SCAMP1: variants seen among roughly 807,000 people sequenced by gnomAD.
SCAMP1 encodes secretory carrier membrane protein 1.
A neutral mutation model predicts 41.8 loss-of-function variants in SCAMP1; 15 were observed. The observed-to-expected ratio is 0.36, with a 90% CI of 0.24 to 0.55. The LOEUF is 0.55. Ranked by LOEUF, SCAMP1 falls within the 20% of genes least tolerant of loss-of-function variation. SCAMP1 has a pLI of 0.86. For synonymous variants in SCAMP1, 135 were observed against 136.8 expected, an observed-to-expected ratio of 0.99 and a Z score of 0.09; for missense variants, 341 against 412.6, an observed-to-expected ratio of 0.83 and a Z score of 1.50.
At position 78,479,097 on chromosome 5, in the gene SCAMP1, CTG is replaced by C. The variant is rs1561294858; in HGVS notation, c.*3431_*3432del. 1 of 152,114 alleles carries C rather than the reference CTG, an allele frequency of 6.6e-6. No individual in the cohort carries two copies. Among genetic ancestry groups the C allele is most frequent in the African/African-American group, 2.4e-5 (1 of 41,442 alleles). The allele number at this position is 152,114 out of a possible 1,614,324, so 9.4% of individuals were successfully genotyped here. ...TGGTACAAATCTGTGTTTGGCATGA[CTG>C]TTTATATACAGAATTTGTTACATTT... On this transcript the variant is annotated 3_prime_UTR_variant, in exon 9 of 9. Transcript: ENST00000621999.
intron 2 of SCAMP1, among the ~76,000 whole-genome samples, chr5:78,391,758 AC>A (rs1751512909): frequency 6.6e-6 from 1 of 152,152 alleles, no homozygotes; most frequent in Non-Finnish European, 1.5e-5. Context: ...CAATCCCGGC[AC>A]CTCAGAAGGC....
At chr5:78,419,054 T>C (rs1409632164) in intron 5 of SCAMP1, among the ~76,000 whole-genome samples, 151 bp downstream of exon 5, 1 of 152,222 alleles carries the variant, frequency 6.6e-6, no homozygotes, top group East Asian at 1.9e-4. Flanking sequence ...ACATATCCTA[T>C]TTAGGTACTT....
intron 6 of SCAMP1, among the ~76,000 whole-genome samples, chr5:78,433,913 G>C (rs1450700542): frequency 1.3e-5 from 2 of 152,136 alleles, no homozygotes; most frequent in Non-Finnish European, 2.9e-5. Flanking sequence ...ATATATTCCT[G>C]TCCCACCTCC....
intron 7 of SCAMP1, among the ~76,000 whole-genome samples, chr5:78,458,373 T>C (rs1753488865): frequency 6.6e-6 from 1 of 152,208 alleles, no homozygotes; most frequent in Non-Finnish European, 1.5e-5. Flanking sequence ...TGTAGTGATA[T>C]CTCATTGTGG....
intron 1 of SCAMP1, among the ~76,000 whole-genome samples, chr5:78,367,596 A>G (rs1750830336): frequency 6.6e-6 from 1 of 152,204 alleles, no homozygotes. Flanking sequence ...CTTCTGCTGT[A>G]TTCTGTTGGT....
At chr5:78,411,269 G>A (rs1752068264) in intron 2 of SCAMP1, among the ~76,000 whole-genome samples, 1 of 151,974 alleles carries the variant, frequency 6.6e-6, no homozygotes, top group Admixed American at 6.6e-5. Flanking sequence ...TATAGTTTTG[G>A]GTTTTACATT....
intron 6 of SCAMP1, among the ~76,000 whole-genome samples, chr5:78,433,746 A>G (rs939946941): frequency 2.0e-5 from 3 of 151,926 alleles, no homozygotes; most frequent in Non-Finnish European, 1.5e-5. Context: ...TTGTTACTTT[A>G]TACTTGGAGC....
intron 8 of SCAMP1, among the ~76,000 whole-genome samples, chr5:78,470,325 A>G (rs1419073182): frequency 2.6e-5 from 4 of 152,170 alleles, no homozygotes; most frequent in South Asian, 4.1e-4. Context: ...TCATTAAGCA[A>G]TAATTTTATT....
At chr5:78,444,287 A>G (rs571941801) in intron 6 of SCAMP1, among the ~76,000 whole-genome samples, 2 of 152,336 alleles carry the variant, frequency 1.3e-5, no homozygotes, top group South Asian at 4.1e-4. Flanking sequence ...AAAGAAAAAG[A>G]TGTTTAATGG....
chr5:78,430,520 G>A (rs917920067), intron 6 of SCAMP1, among the ~76,000 whole-genome samples: 1 of 151,034 alleles, frequency 6.6e-6, no homozygotes, highest in Non-Finnish European at 1.5e-5. Flanking sequence ...TTTTCCCAAA[G>A]CGAAGTCTCA....
intron 1 of SCAMP1, among the ~76,000 whole-genome samples, chr5:78,363,291 C>G (rs983361543): frequency 2.6e-5 from 4 of 151,966 alleles, no homozygotes; most frequent in African/African-American, 7.3e-5. Context: ...CTGCTCACTG[C>G]AAGCGCTGCC....
intron 1 of SCAMP1, among the ~76,000 whole-genome samples, chr5:78,387,234 C>G (rs1485155306): frequency 6.6e-6 from 1 of 151,974 alleles, no homozygotes; most frequent in Non-Finnish European, 1.5e-5. Context: ...CTTCTACTAG[C>G]TCGATTTTAT....
intron 1 of SCAMP1, among the ~76,000 whole-genome samples, chr5:78,370,037 C>T (rs1750904251): frequency 6.6e-6 from 1 of 152,170 alleles, no homozygotes; most frequent in Admixed American, 6.5e-5. Context: ...AAGGGATGTG[C>T]CATGTCATGA....
intron 2 of SCAMP1, among the ~76,000 whole-genome samples, chr5:78,408,535 C>T (rs540552677): frequency 1.3e-5 from 2 of 152,284 alleles, no homozygotes; most frequent in East Asian, 3.9e-4. Flanking sequence ...GTTGGATTAT[C>T]TTGTCCATGT....
chr5:78,393,053 GA>G (rs1751560109), intron 2 of SCAMP1, among the ~76,000 whole-genome samples: 1 of 152,144 alleles, frequency 6.6e-6, no homozygotes, highest in Non-Finnish European at 1.5e-5. Context: ...CTAAGATTTA[GA>G]AAGTTCCTGC....
At chr5:78,388,589 G>C (rs1234732066) in intron 1 of SCAMP1, among the ~76,000 whole-genome samples, 1 of 152,126 alleles carries the variant, frequency 6.6e-6, no homozygotes, top group Non-Finnish European at 1.5e-5. Context: ...TTTTTATCTT[G>C]ATGTAATAGC....
At chr5:78,460,767 T>C (rs1378566964) in intron 8 of SCAMP1, among the ~76,000 whole-genome samples, 3 of 39,034 alleles carry the variant, frequency 7.7e-5, no homozygotes, top group African/African-American at 5.2e-4. Context: ...CTTCCTTCCT[T>C]CCTTCCTTCC....
chr5:78,458,866 C>T (rs560786283), intron 7 of SCAMP1, among the ~76,000 whole-genome samples: 14 of 152,170 alleles, frequency 9.2e-5, no homozygotes, highest in African/African-American at 2.9e-4. Context: ...GGCAACAGAG[C>T]GAGCTTCTGT....
rs991840485 is a variant in SCAMP1 at position 78,406,523 on chromosome 5, A to G, written c.136-8997A>G. 2.0e-5 allele frequency among the ~76,000 whole-genome samples: 3 copies of G among 152,090 alleles called. No individual in the cohort carries two copies. The East Asian group carries it at 5.8e-4, about 29-fold the overall frequency. Reference sequence around the variant, plus strand: ...CATGAACTTCCTGTGCCTTGAAGAGACCTTGGGTAGTCGTTTATTTAAAAT... The same window carrying G: ...CATGAACTTCCTGTGCCTTGAAGAGGCCTTGGGTAGTCGTTTATTTAAAAT... On this transcript the variant is annotated intron_variant, in intron 2 of 8. Transcript: ENST00000621999.
Sources: gnomAD v4.1 joint callset for allele counts (sites outside exome capture counted in the v4.1 genomes callset) on GRCh38, gnomAD v4.1.1 for gene constraint, MANE v1.5 for transcripts, NCBI Gene and HGNC (gene_info 2026-07-23, HGNC 2026-07-21) for gene names.